Variants in RIMBP3 observed in about 807,000 individuals in gnomAD.
RIMBP3 encodes the protein RIMS-binding protein 3A.
A neutral mutation model predicts 85.4 loss-of-function variants in RIMBP3; 1 was observed. The observed-to-expected ratio is 0.01, with a 90% CI of 0.00 to 0.06. The LOEUF is 0.06. Among genes scored for constraint, RIMBP3 ranks in the 10% least tolerant of loss-of-function variants. The pLI is 1.00. For missense variants in RIMBP3, 29 were observed against 1,504.2 expected (o/e 0.02, Z 16.22); for synonymous variants, 10 against 660.9 (o/e 0.02, Z 15.11).
At position 18,607,656 on chromosome 22, in the gene RIMBP3, A is replaced by T. The variant is rs1333850015; in HGVS notation, c.3779T>A (p.Leu1260Gln). 2 of 1,332,824 alleles carry T rather than the reference A, an allele frequency of 1.5e-6. No homozygotes were observed. Among genetic ancestry groups the T allele is most frequent in the Non-Finnish European group, 2.0e-6 (2 of 975,744 alleles). 82.6% of individuals were successfully genotyped at this position (1,332,824 alleles called of 1,614,324 possible). A position where few individuals can be genotyped will look rare whatever the true frequency, so the allele number is the denominator to read the frequency against. ...PPRRQSPVSN[L>Q]GSEGECPSSG... ...ACTCGGACATTCTCCTTCTGAGCCC[A>T]GGTTGGACACTGGGGATTGCCTCCT... Residue 1260 changes from leucine (L) to glutamine (Q), a missense_variant, in exon 1 of 1, where the codon CTG (leucine) becomes CAG (glutamine). Transcript: ENST00000619918.
chr22:18,608,232 T>A lies in RIMBP3; in HGVS notation c.3203A>T (p.Tyr1068Phe), dbSNP rs770776137. The change falls in exon 1 of 1, where the codon TAT (tyrosine) becomes TTT (phenylalanine). Residue 1068 changes from tyrosine to phenylalanine, a missense_variant. Tyr to Phe is a conservative substitution (Grantham distance 22, BLOSUM62 3). Transcript: ENST00000619918. ...VRLPRDLLQV[Y>F]WGTMSSTVTF... ...GACGGTGGAGGACATAGTTCCCCAA[T>A]ACACCTGCAGCAAGTCCCGTGGCAG... 1 of 1,611,892 alleles carries A rather than the reference T, an allele frequency of 6.2e-7. No homozygotes were observed. The highest frequency in any genetic ancestry group is 1.7e-5 in the Admixed American group (1 of 60,028).
the RIMBP3 span, chr22:18,609,824 C>CA: frequency 1.4e-6 from 2 of 1,460,622 alleles, no homozygotes; most frequent in Non-Finnish European, 1.8e-6. Context: ...TCTGCAGGCG[C>CA]AGCACTTCCC....
chr22:18,611,377 TGGAGCAGCCCG>T, the RIMBP3 span: 1 of 326,992 alleles, frequency 3.1e-6, no homozygotes, highest in Non-Finnish European at 4.0e-6. Context: ...GCCGCCGGGC[TGGAGCAGCCCG>T]GCTTCTTGGG....
At chr22:18,611,391 T>TC in the RIMBP3 span, 1 of 294,176 alleles carries the variant, frequency 3.4e-6, no homozygotes, top group Non-Finnish European at 4.5e-6. Flanking sequence ...GCAGCCCGGC[T>TC]TCTTGGGCGA....
the RIMBP3 span, chr22:18,607,555 T>TGTACACAGCC: frequency 7.3e-7 from 1 of 1,373,870 alleles, no homozygotes; most frequent in East Asian, 2.6e-5. Context: ...TTCTGGGGAC[T>TGTACACAGCC]CTTCTGAAAG....
Position 18,611,800 on chromosome 22 carries a change from A to C in RIMBP3, c.-366T>G. ...AAGCAGGCCGCGGTGCCCCGAGGGA[A>C]GTCTGGGCTGCTGCTCCTGTACTTG... is the stretch of plus-strand genomic sequence containing the variant. On this transcript the variant is annotated 5_prime_UTR_variant, in exon 1 of 1. Transcript: ENST00000619918. The C allele has an allele frequency of 8.9e-5, 1 of 11,268 alleles. No homozygotes were observed. Among genetic ancestry groups the C allele is most frequent in the East Asian group, 2.0e-3 (1 of 504 alleles). The allele number at this position is 11,268 out of a possible 1,614,324, so 0.7% of individuals were successfully genotyped here. A position where few individuals can be genotyped will look rare whatever the true frequency, so the allele number is the denominator to read the frequency against.
At position 18,606,762 on chromosome 22, in the gene RIMBP3, A is replaced by C; in HGVS notation, c.4673T>G (p.Val1558Gly). The change falls in exon 1 of 1, where the codon GTG (valine) becomes GGG (glycine). Residue 1558 changes from valine (V) to glycine (G), a missense_variant. By Grantham distance (109) the Val-to-Gly change is moderately radical. Coordinates refer to ENST00000619918, the MANE Select transcript of RIMBP3 (RefSeq NM_015672.2). ...GLTIPQGSSL[V>G]LQGNSKRLPL... The stretch of plus-strand genomic sequence containing the variant: ...GAGTCTCTTGGAGTTCCCCTGGAGC[A>C]CCAGGGAGGAACCCTGGGGGATGGT... 2 of 567,214 alleles carry C rather than the reference A, an allele frequency of 3.5e-6. No homozygotes were observed. The highest frequency in any genetic ancestry group is 5.0e-6 in the Non-Finnish European group (2 of 401,216). 35.1% of individuals were successfully genotyped at this position (567,214 alleles called of 1,614,324 possible).
In RIMBP3 at chr22:18,610,077, T is replaced by C. The variant is rs2123870381; in HGVS notation, c.1358A>G (p.Glu453Gly). 1.0e-6 allele frequency: 1 copy of C among 975,148 alleles called. No individual in the cohort carries two copies. The highest frequency in any genetic ancestry group is 1.5e-6 in the Non-Finnish European group (1 of 677,590). 60.4% of individuals were successfully genotyped at this position (975,148 alleles called of 1,614,324 possible). ...GCACAGCTCCAGGCCGGCGCAACTC[T>C]CGCCGGGTATAGGCGCGCTCACGGC... ...LRAVSAPIPG[E>G]SCAGLELCQV... Residue 453 changes from glutamate to glycine, a missense_variant, in exon 1 of 1, where the codon GAG becomes GGG. Transcript: ENST00000619918.
chr22:18,609,681 T>C lies in RIMBP3; in HGVS notation c.1754A>G (p.Gln585Arg), dbSNP rs1933473997. Residue 585 changes from glutamine (Q) to arginine (R), a missense_variant, in exon 1 of 1, where the codon CAG becomes CGG. Transcript: ENST00000619918. ...CGGGGCCGCCTGCGCGCCCAGCTCCTGGCACTCGCGCCGCCGCTGGTCCAG... is the reference window on the plus strand; with the variant it reads ...CGGGGCCGCCTGCGCGCCCAGCTCCCGGCACTCGCGCCGCCGCTGGTCCAG... ...RELDQRRRECQELGAQAAPAR... is the reference protein window; with the variant it reads ...RELDQRRRECRELGAQAAPAR... 1 of 1,566,974 alleles carries C rather than the reference T, an allele frequency of 6.4e-7. No homozygotes were observed. The highest frequency in any genetic ancestry group is 1.4e-5 in the African/African-American group (1 of 73,792).
At chr22:18,609,107 GGACA>G in the RIMBP3 span, 140 of 980,426 alleles carry the variant, frequency 1.4e-4, no homozygotes, top group Non-Finnish European at 1.9e-4. Flanking sequence ...TGGTTTTCTT[GGACA>G]GAGGTTGGCT....
At chr22:18,609,429 T>TCCTGC in the RIMBP3 span, 1 of 1,338,880 alleles carries the variant, frequency 7.5e-7, no homozygotes, top group Non-Finnish European at 9.9e-7. Flanking sequence ...CTGCTGCCTG[T>TCCTGC]CCTGCCCGCG....
At position 18,610,039 on chromosome 22, in the gene RIMBP3, G is replaced by T. The variant is rs1392955361; in HGVS notation, c.1396C>A (p.Arg466Ser). 2 of 1,062,268 alleles carry T rather than the reference G, an allele frequency of 1.9e-6. No homozygotes were observed. The highest frequency in any genetic ancestry group is 3.5e-5 in the African/African-American group (2 of 57,368). The allele number at this position is 1,062,268 out of a possible 1,614,324, so 65.8% of individuals were successfully genotyped here. A position where few individuals can be genotyped will look rare whatever the true frequency, so the allele number is the denominator to read the frequency against. ...AGLELCQVFARQRARDLSEQA... is the reference protein window; with the variant it reads ...AGLELCQVFASQRARDLSEQA... ...TCCGACAGGTCCCGAGCGCGCTGGC[G>T]GGCAAAGACTTGGCACAGCTCCAGG... The change falls in exon 1 of 1, where the codon CGC (arginine) becomes AGC (serine). Residue 466 changes from arginine (R) to serine (S), a missense_variant. Arg to Ser is a moderately radical substitution (Grantham distance 110). Transcript: ENST00000619918.
chr22:18,610,424 T>TGGTGGTGGCGGCGGGAGTGGC lies in RIMBP3; in HGVS notation c.990_1010dup (p.Leu332_Pro338dup). ...TGCTGAGTTTCCTGTGGGCTGACGGTGGTGGTGGCGGCGGGAGTGGCGATG... is the reference window on the plus strand; with the variant it reads ...TGCTGAGTTTCCTGTGGGCTGACGGTGGTGGTGGCGGCGGGAGTGGCGGTGGTGGCGGCGGGAGTGGCGATG... On this transcript the variant is annotated inframe_insertion, in exon 1 of 1. Transcript: ENST00000619918. 5.9e-6 allele frequency: 3 copies of TGGTGGTGGCGGCGGGAGTGGC among 507,116 alleles called. 1 individual carries two copies. The allele number at this position is 507,116 out of a possible 1,614,324, so 31.4% of individuals were successfully genotyped here. A position where few individuals can be genotyped will look rare whatever the true frequency, so the allele number is the denominator to read the frequency against.
chr22:18,607,332 C>G lies in RIMBP3; in HGVS notation c.4103G>C (p.Ser1368Thr). ...QGFTPPQLGA[S>T]QQYASDFHNV... Reference sequence around the variant, plus strand: ...ATGGAAGTCAGATGCATACTGTTGGCTGGCGCCCAGCTGGGGAGGTGTGAA... The same window carrying G: ...ATGGAAGTCAGATGCATACTGTTGGGTGGCGCCCAGCTGGGGAGGTGTGAA... The change falls in exon 1 of 1, where the codon AGC (serine) becomes ACC (threonine). Residue 1368 changes from serine (S) to threonine (T), a missense_variant. By Grantham distance (58) the Ser-to-Thr change is moderately conservative. Transcript: ENST00000619918. 1 of 1,590,744 alleles carries G rather than the reference C, an allele frequency of 6.3e-7. No homozygotes were observed. The highest frequency in any genetic ancestry group is 8.6e-7 in the Non-Finnish European group (1 of 1,167,464).
At chr22:18,609,983 CTTGTCCTT>C in the RIMBP3 span, 1 of 1,235,642 alleles carries the variant, frequency 8.1e-7, no homozygotes, top group East Asian at 2.6e-5. Flanking sequence ...CTTCGATCTG[CTTGTCCTT>C]GGCCAGCGGC....
the RIMBP3 span, chr22:18,607,746 T>TG: frequency 1.4e-6 from 2 of 1,448,814 alleles, no homozygotes; most frequent in South Asian, 2.5e-5. Context: ...TCCAGGGTTG[T>TG]GGGGGCTGGC....
At chr22:18,609,181 TC>T in the RIMBP3 span, 1 of 613,590 alleles carries the variant, frequency 1.6e-6, no homozygotes, top group Non-Finnish European at 2.5e-6. Flanking sequence ...GCAACTGGGC[TC>T]TCCTCGAGGG....
rs1933397432 is a variant in RIMBP3, at chr22:18,607,279, G to C, written c.4156C>G (p.Leu1386Val). Residue 1386 changes from leucine (L) to valine (V), a missense_variant, in exon 1 of 1, where the codon CTG (leucine) becomes GTG (valine). Physicochemically the swap from Leu to Val is conservative, Grantham distance 32. Transcript: ENST00000619918. ...HNVLKEEQEA[L>V]CLDLWGTERR... ...TCTGTGCCCCACAGATCCAAGCACA[G>C]TGCCTCCTGCTCCTCCTTCAAAACG... 1 of 1,596,902 alleles carries C rather than the reference G, an allele frequency of 6.3e-7. No individual in the cohort carries two copies. Among genetic ancestry groups the C allele is most frequent in the South Asian group, 1.1e-5 (1 of 90,156 alleles).
At position 18,608,584 on chromosome 22, in the gene RIMBP3, C is replaced by T. The variant is rs9618842; in HGVS notation, c.2851G>A (p.Gly951Ser). The T allele has an allele frequency of 9.5e-4, 1,529 of 1,610,038 alleles. 2 individuals carry two copies. In the African/African-American group the frequency reaches 0.017, roughly 18 times the overall value. ...DRGLCQMVRVGSKTEVATEIL... is the reference protein window; with the variant it reads ...DRGLCQMVRVSSKTEVATEIL... ...TCTGTTGCTACTTCTGTCTTGGAGC[C>T]CACCCTGACCATCTGGCACAGCCCT... The change falls in exon 1 of 1, where the codon GGC becomes AGC. Residue 951 changes from glycine to serine, a missense_variant. Physicochemically the swap from Gly to Ser is moderately conservative, Grantham distance 56 (BLOSUM62 0). Coordinates refer to ENST00000619918, the MANE Select transcript of RIMBP3 (RefSeq NM_015672.2).
Sources: allele counts gnomAD v4.1 joint callset, GRCh38; gene constraint gnomAD v4.1.1; transcripts MANE v1.5; gene names NCBI Gene and HGNC (gene_info 2026-07-23, HGNC 2026-07-21).